SNAP29: variants seen among roughly 807,000 people sequenced by gnomAD.
SNAP29 encodes synaptosome associated protein 29.
SNAP29 carries 13 observed loss-of-function variants against 27.9 expected under a neutral mutation model. That is an observed-to-expected ratio of 0.47 (90% CI 0.30 to 0.74). SNAP29 has a LOEUF of 0.74. Among genes scored for constraint, SNAP29 ranks in the 30% least tolerant of loss-of-function variants. SNAP29 has a pLI of 0.06. For synonymous variants in SNAP29, 119 were observed against 127.1 expected, an observed-to-expected ratio of 0.94 and a Z score of 0.43; for missense variants, 368 against 336.5, an observed-to-expected ratio of 1.09 and a Z score of -0.73.
chr22:20,873,208 G>T (rs888647655), intron 2 of SNAP29, among the ~76,000 whole-genome samples: 1 of 151,696 alleles, frequency 6.6e-6, no homozygotes, highest in Admixed American at 6.6e-5. Context: ...ATGAGGTCTT[G>T]CTGTGTTGGC....
intron 1 of SNAP29, among the ~76,000 whole-genome samples, chr22:20,869,508 G>T (rs1482279341): frequency 6.6e-6 from 1 of 152,206 alleles, no homozygotes; most frequent in African/African-American, 2.4e-5. Context: ...ATTGTGGATG[G>T]GCTAGAGTCA....
chr22:20,880,800 T>C lies in SNAP29; in HGVS notation c.435-249T>C, dbSNP rs377313207. Among the ~76,000 whole-genome samples the C allele has an allele frequency of 3.9e-5, 6 of 152,224 alleles. No homozygotes were observed. In the South Asian group the frequency reaches 1.2e-3, roughly 32 times the overall value. ...ACCTCAGTTTCCCAAAATGCTGGGA[T>C]TACAGGCATGAGTCACCACACCTGG... is the stretch of plus-strand genomic sequence containing the variant. On this transcript the variant is annotated intron_variant, in intron 2 of 4. Transcript: ENST00000215730.
rs1192811596 is a variant in SNAP29 at position 20,859,301 on chromosome 22, T to TG, written c.193dup (p.Ala65GlyfsTer47). 1 of 1,613,004 alleles carries TG rather than the reference T, an allele frequency of 6.2e-7. No homozygotes were observed. Among genetic ancestry groups the TG allele is most frequent in the Non-Finnish European group, 8.5e-7 (1 of 1,179,900 alleles). ...ACGGCCGCCAGCACCAGCAGGTCCC[T>TG]GGCCCTCATGTACGAGTCCGAGAAG... On this transcript the variant is annotated frameshift_variant, in exon 1 of 5. Coordinates refer to ENST00000215730, the MANE Select transcript of SNAP29 (RefSeq NM_004782.4). LOFTEE classifies it high-confidence loss of function.
intron 2 of SNAP29, among the ~76,000 whole-genome samples, chr22:20,871,755 G>T (rs1402386374): frequency 6.6e-6 from 1 of 151,996 alleles, no homozygotes; most frequent in Non-Finnish European, 1.5e-5. Flanking sequence ...GATGGCGGGC[G>T]CCCGTAGTCC....
chr22:20,859,237 C>T lies in SNAP29; in HGVS notation c.127C>T (p.Gln43Ter). The change falls in exon 1 of 5, where the codon CAG becomes TAG. Residue 43 changes from glutamine (Q) to a stop codon, truncating the protein, a stop_gained. Coordinates refer to ENST00000215730, the MANE Select transcript of SNAP29 (RefSeq NM_004782.4). LOFTEE classifies it high-confidence loss of function. ...DGPDAPADRQ[Q>*]YLRQEVLRRA... ...GCCCGACGCGCCCGCGGACAGGCAGCAGTACTTGCGGCAGGAGGTCCTCCG... is the reference window on the plus strand; with the variant it reads ...GCCCGACGCGCCCGCGGACAGGCAGTAGTACTTGCGGCAGGAGGTCCTCCG... 1 of 1,607,100 alleles carries T rather than the reference C, an allele frequency of 6.2e-7. No individual in the cohort carries two copies. The highest frequency in any genetic ancestry group is 8.5e-7 in the Non-Finnish European group (1 of 1,177,686).
At position 20,881,047 on chromosome 22, in the gene SNAP29, A is replaced by G. The variant is rs1400351870; in HGVS notation, c.435-2A>G. On this transcript the variant is annotated splice_acceptor_variant, in intron 2 of 4. Transcript: ENST00000215730. LOFTEE classifies it high-confidence loss of function. ...TTCTTTTTTGTGAACTTTTATCCAA[A>G]GATTGAAAGAAGCTATAAGTACAAG... The G allele has an allele frequency of 6.2e-7, 1 of 1,600,578 alleles. No individual in the cohort carries two copies. The highest frequency in any genetic ancestry group is 1.3e-5 in the African/African-American group (1 of 74,680).
chr22:20,860,422 T>C (rs1200194772), intron 1 of SNAP29, among the ~76,000 whole-genome samples: 1 of 148,466 alleles, frequency 6.7e-6, no homozygotes, highest in African/African-American at 2.5e-5. Context: ...CTTGCTTGGG[T>C]ACAGTGGCAT....
At chr22:20,877,425 A>G (rs775161133) in intron 2 of SNAP29, among the ~76,000 whole-genome samples, 1 of 152,206 alleles carries the variant, frequency 6.6e-6, no homozygotes, top group Non-Finnish European at 1.5e-5. Flanking sequence ...GCAAGGTGGC[A>G]CACACCTGTA....
intron 3 of SNAP29, among the ~76,000 whole-genome samples, chr22:20,881,397 C>A (rs1272193034): frequency 2.0e-5 from 3 of 152,188 alleles, no homozygotes; most frequent in Non-Finnish European, 2.9e-5. Context: ...GGCCTGCATT[C>A]CATTGAAAAT....
rs779333114 is a variant in SNAP29, at chr22:20,889,873, C to CA, written c.*2038dup. 36 of 164,882 alleles carry CA rather than the reference C, an allele frequency of 2.2e-4. No homozygotes were observed. Among genetic ancestry groups the CA allele is most frequent in the Non-Finnish European group, 3.5e-4 (27 of 76,640 alleles). 10.2% of individuals were successfully genotyped at this position (164,882 alleles called of 1,614,324 possible). On this transcript the variant is annotated 3_prime_UTR_variant, in exon 5 of 5. Coordinates refer to ENST00000215730, the MANE Select transcript of SNAP29 (RefSeq NM_004782.4). ...ATTCAACTGACTTGAAGCACAGTAA[C>CA]ATCTTATTTTATGCACATTCCCTGT... is the stretch of plus-strand genomic sequence containing the variant.
Position 20,877,354 on chromosome 22 carries a change from C to T in SNAP29, c.435-3695C>T, listed in dbSNP as rs183212146. Among the ~76,000 whole-genome samples the T allele has an allele frequency of 5.8e-4, 88 of 152,204 alleles. 3 individuals are homozygous for T. In the South Asian group the frequency reaches 7.3e-3, roughly 13 times the overall value. On this transcript the variant is annotated intron_variant, in intron 2 of 4. Transcript: ENST00000215730. ...GGTGGATCACCTGAGGTCAGGAGTT[C>T]GAGACCAGCCTCACCAACATGGAGA... is the stretch of plus-strand genomic sequence containing the variant.
At chr22:20,884,521 G>C (rs978995726) in intron 4 of SNAP29, among the ~76,000 whole-genome samples, 1 of 152,014 alleles carries the variant, frequency 6.6e-6, no homozygotes, top group African/African-American at 2.4e-5. Flanking sequence ...GCCTGGATGG[G>C]CTCCCCCGAC....
intron 2 of SNAP29, among the ~76,000 whole-genome samples, chr22:20,872,750 G>T (rs1450277600): frequency 1.4e-5 from 2 of 145,828 alleles, no homozygotes; most frequent in African/African-American, 2.6e-5. Flanking sequence ...TGGCCAGTCT[G>T]GTCTCAAACT....
At chr22:20,862,953 A>T (rs183620133) in intron 1 of SNAP29, among the ~76,000 whole-genome samples, 1 of 151,986 alleles carries the variant, frequency 6.6e-6, no homozygotes, top group African/African-American at 2.4e-5. Context: ...CCGTGGTGCA[A>T]TCTTGGCTCA....
chr22:20,880,064 A>G (rs1240857631), intron 2 of SNAP29, among the ~76,000 whole-genome samples: 1 of 152,002 alleles, frequency 6.6e-6, no homozygotes, highest in Non-Finnish European at 1.5e-5. Flanking sequence ...CTGGTAATAT[A>G]AGTGCACTAA....
intron 1 of SNAP29, among the ~76,000 whole-genome samples, chr22:20,869,840 G>C (rs1928544343): frequency 6.6e-6 from 1 of 151,932 alleles, no homozygotes; most frequent in Admixed American, 6.6e-5. Context: ...GCACCATCTT[G>C]GCTCACTGCA....
intron 4 of SNAP29, among the ~76,000 whole-genome samples, chr22:20,885,462 T>C (rs1006324044): frequency 1.3e-5 from 2 of 152,110 alleles, no homozygotes; most frequent in South Asian, 2.1e-4. Flanking sequence ...CAAAGACTTA[T>C]CTGAGGCAGA....
chr22:20,869,042 C>T (rs1048875387), intron 1 of SNAP29, among the ~76,000 whole-genome samples: 6 of 152,016 alleles, frequency 3.9e-5, no homozygotes, highest in African/African-American at 9.7e-5. Flanking sequence ...TTTGGGAGGC[C>T]GAGGCGGGTG....
chr22:20,878,685 C>T (rs1928808396), intron 2 of SNAP29, among the ~76,000 whole-genome samples: 2 of 152,004 alleles, frequency 1.3e-5, no homozygotes, highest in African/African-American at 4.8e-5. Context: ...TAGCGCTGTG[C>T]AGGGGGAGGG....
Sources: allele counts gnomAD v4.1 joint callset (sites outside exome capture counted in the v4.1 genomes callset), GRCh38; gene constraint gnomAD v4.1.1; transcripts MANE v1.5; gene names NCBI Gene and HGNC (gene_info 2026-07-23, HGNC 2026-07-21).